ZFYVE28: variants seen among roughly 807,000 people sequenced by gnomAD.
ZFYVE28 encodes the protein lateral signaling target protein 2 homolog.
A neutral mutation model predicts 82.1 loss-of-function variants in ZFYVE28; 40 were observed. The observed-to-expected ratio is 0.49, with a 90% CI of 0.38 to 0.63. ZFYVE28 has a LOEUF of 0.63. Ranked by LOEUF, ZFYVE28 falls within the 30% of genes least tolerant of loss-of-function variation. The pLI, the probability that ZFYVE28 is intolerant of heterozygous loss-of-function variation, is 0.00. For missense variants in ZFYVE28, 1,321 were observed against 1,242.1 expected, an observed-to-expected ratio of 1.06 and a Z score of -0.96; for synonymous variants, 612 against 546.1, an observed-to-expected ratio of 1.12 and a Z score of -1.68.
chr4:2,414,523 C>T (rs77305505), intron 1 of ZFYVE28, among the ~76,000 whole-genome samples: 4,323 of 152,256 alleles, frequency 0.028, 212 homozygotes, highest in African/African-American at 0.099. Context: ...ACTCTGAAAA[C>T]GGTCTGGGGG....
intron 2 of ZFYVE28, among the ~76,000 whole-genome samples, chr4:2,353,653 C>G (rs1724800706): frequency 6.6e-6 from 1 of 152,164 alleles, no homozygotes; most frequent in Non-Finnish European, 1.5e-5. Context: ...ACTGGCTGCC[C>G]CTTGGCTCAG....
chr4:2,270,386 A>C lies in ZFYVE28; in HGVS notation c.*339T>G. The C allele has an allele frequency of 3.0e-6, 1 of 336,806 alleles. No homozygotes were observed. Among genetic ancestry groups the C allele is most frequent in the Non-Finnish European group, 5.7e-6 (1 of 176,924 alleles). 20.9% of individuals were successfully genotyped at this position (336,806 alleles called of 1,614,324 possible). The stretch of plus-strand genomic sequence containing the variant: ...AGTGGCCCCACTCTTGTCCACCTCC[A>C]TCACCCGCCCCGATTCCCATAGCCC... On this transcript the variant is annotated 3_prime_UTR_variant, in exon 13 of 13. Transcript: ENST00000290974.
In ZFYVE28 at chr4:2,271,387, G is replaced by A; in HGVS notation, c.2456C>T (p.Ala819Val). 3 of 1,612,874 alleles carry A rather than the reference G, an allele frequency of 1.9e-6. No homozygotes were observed. Among genetic ancestry groups the A allele is most frequent in the Non-Finnish European group, 2.5e-6 (3 of 1,179,932 alleles). ...EDPPEWVPDE[A>V]CGFCTACKAP... Reference sequence around the variant, plus strand: ...TTTGCACGCCGTGCAGAAGCCACAGGCCTCGTCTGGCACCCACTCCGGGGG... The same window carrying A: ...TTTGCACGCCGTGCAGAAGCCACAGACCTCGTCTGGCACCCACTCCGGGGG... Residue 819 changes from alanine to valine, a missense_variant, in exon 12 of 13, where the codon GCC (alanine) becomes GTC (valine). Physicochemically the swap from Ala to Val is moderately conservative, Grantham distance 64 (BLOSUM62 0). This residue lies in a region of ZFYVE28 where 978 missense variants were observed against 833.7 expected (regional missense o/e 1.17). Coordinates refer to ENST00000290974, the MANE Select transcript of ZFYVE28 (RefSeq NM_020972.3).
intron 2 of ZFYVE28, among the ~76,000 whole-genome samples, chr4:2,352,895 C>T (rs906474785): frequency 6.6e-6 from 1 of 152,190 alleles, no homozygotes; most frequent in African/African-American, 2.4e-5. Context: ...ATCGGTGGGG[C>T]CACGGGGCAG....
Position 2,290,897 on chromosome 4 carries a change from A to G in ZFYVE28, c.2051+13392T>C, listed in dbSNP as rs937141241. Among the ~76,000 whole-genome samples, 54 of 152,240 alleles carry G rather than the reference A, an allele frequency of 3.5e-4. 1 individual carries two copies. The highest frequency in any genetic ancestry group is 1.3e-3 in the African/African-American group (54 of 41,468). The stretch of plus-strand genomic sequence containing the variant: ...GACACAGTGAAGCCCAGGCCTAGAC[A>G]CAGCCCAGCTCTTGAAAAGATCCCA... On this transcript the variant is annotated intron_variant, in intron 8 of 12. Transcript: ENST00000290974.
At chr4:2,336,836 G>GA (rs1435912812) in intron 5 of ZFYVE28, among the ~76,000 whole-genome samples, 6 of 148,252 alleles carry the variant, frequency 4.0e-5, no homozygotes, top group Non-Finnish European at 7.5e-5. Flanking sequence ...GAGGTGAGGA[G>GA]TGAGGAGGTG....
At chr4:2,308,661 GAA>G (rs1291489060) in intron 7 of ZFYVE28, among the ~76,000 whole-genome samples, 1,152 of 99,910 alleles carry the variant, frequency 0.012, 9 homozygotes, top group Middle Eastern at 0.027. Flanking sequence ...AAGAAAGAAA[GAA>G]AGAAAGAAAG....
At chr4:2,334,750 C>G (rs1270921352) in intron 6 of ZFYVE28, among the ~76,000 whole-genome samples, 1 of 41,034 alleles carries the variant, frequency 2.4e-5, no homozygotes, top group Non-Finnish European at 4.9e-5. Context: ...TCCCCCTTCC[C>G]CCTCCCCTTC....
chr4:2,405,164 C>A (rs959918132), intron 1 of ZFYVE28, among the ~76,000 whole-genome samples: 1 of 152,214 alleles, frequency 6.6e-6, no homozygotes, highest in African/African-American at 2.4e-5. Flanking sequence ...CCAGATACCC[C>A]CAGAGAGTGG....
At chr4:2,385,176 T>G (rs1729120929) in intron 1 of ZFYVE28, among the ~76,000 whole-genome samples, 1 of 152,206 alleles carries the variant, frequency 6.6e-6, no homozygotes, top group African/African-American at 2.4e-5. Context: ...ACACCCGCAC[T>G]GCTGCCACCC....
intron 1 of ZFYVE28, among the ~76,000 whole-genome samples, chr4:2,369,221 G>A (rs1727230273): frequency 6.6e-6 from 1 of 152,170 alleles, no homozygotes; most frequent in Non-Finnish European, 1.5e-5. Context: ...GCACTCTGTG[G>A]ACTGACCAGA....
rs1371316224 is a variant in ZFYVE28, at chr4:2,362,972, A to C, written c.40-8899T>G. ...TGTGGCCTTCGGGCCCACACGTGGC[A>C]CCAAGCCCTGGGCTCATCACCATCC... On this transcript the variant is annotated intron_variant, in intron 1 of 12. Coordinates refer to ENST00000290974, the MANE Select transcript of ZFYVE28 (RefSeq NM_020972.3). This position sits in a 1 kb window ranked among gnomAD's most constrained non-coding sequence, Gnocchi z 5.1. Among the ~76,000 whole-genome samples, 1 of 151,726 alleles carries C rather than the reference A, an allele frequency of 6.6e-6. No individual in the cohort carries two copies. Among genetic ancestry groups the C allele is most frequent in the South Asian group, 2.1e-4 (1 of 4,794 alleles).
At chr4:2,375,122 C>T (rs1047333998) in intron 1 of ZFYVE28, among the ~76,000 whole-genome samples, 3 of 152,208 alleles carry the variant, frequency 2.0e-5, no homozygotes, top group African/African-American at 4.8e-5. Flanking sequence ...AGGCACTGGC[C>T]CCTGGGCTCA....
chr4:2,368,226 A>AAAAAAAAAAAAAAAAAAAC (rs1553856593), intron 1 of ZFYVE28, among the ~76,000 whole-genome samples: 1 of 150,190 alleles, frequency 6.7e-6, no homozygotes, highest in African/African-American at 2.5e-5. Context: ...AAAAAAAAAA[A>AAAAAAAAAAAAAAAAAAAC]AAAACACTGT....
intron 7 of ZFYVE28, among the ~76,000 whole-genome samples, chr4:2,308,683 G>GAAAAGAAAAGAAAAGA (rs1553830772): frequency 4.9e-5 from 4 of 81,512 alleles, no homozygotes; most frequent in African/African-American, 2.0e-4. Context: ...GAAAGAGAAA[G>GAAAAGAAAAGAAAAGA]AAAGAAAAGA....
At chr4:2,292,349 G>A (rs1329109603) in intron 8 of ZFYVE28, among the ~76,000 whole-genome samples, 1 of 152,210 alleles carries the variant, frequency 6.6e-6, no homozygotes, top group Non-Finnish European at 1.5e-5. Flanking sequence ...ATGCCAAAGG[G>A]ACAGGGAGGG....
In ZFYVE28 at chr4:2,409,507, C is replaced by A. The variant is rs1476217860; in HGVS notation, c.39+8778G>T. 6.6e-6 allele frequency among the ~76,000 whole-genome samples: 1 copy of A among 152,216 alleles called. No homozygotes were observed. Among genetic ancestry groups the A allele is most frequent in the African/African-American group, 2.4e-5 (1 of 41,444 alleles). The stretch of plus-strand genomic sequence containing the variant: ...CTCCAAGTGCACCCAGCCTTTCAGG[C>A]TCCGCGACCCACACCCCCTTGCCAC... On this transcript the variant is annotated intron_variant, in intron 1 of 12. Transcript: ENST00000290974. The surrounding 1 kb of genome is among the most constrained non-coding windows in gnomAD (Gnocchi z 4.4).
In ZFYVE28 at chr4:2,332,384, C is replaced by A. The variant is rs541768976; in HGVS notation, c.701+3321G>T. On this transcript the variant is annotated intron_variant, in intron 6 of 12. Coordinates refer to ENST00000290974, the MANE Select transcript of ZFYVE28 (RefSeq NM_020972.3). This position sits in a 1 kb window ranked among gnomAD's most constrained non-coding sequence, Gnocchi z 4.7. ...TGCCCCTGAGCATACACCACCTGCACCAACGTGCCCCTGCCTGCCACCTGC... is the reference window on the plus strand; with the variant it reads ...TGCCCCTGAGCATACACCACCTGCAACAACGTGCCCCTGCCTGCCACCTGC... 3.3e-5 allele frequency among the ~76,000 whole-genome samples: 5 copies of A among 152,272 alleles called. No homozygotes were observed. The East Asian group carries it at 9.6e-4, about 29-fold the overall frequency.
intron 2 of ZFYVE28, among the ~76,000 whole-genome samples, chr4:2,353,423 A>ATATC (rs1256416330): frequency 6.6e-6 from 1 of 152,220 alleles, no homozygotes; most frequent in Non-Finnish European, 1.5e-5. Flanking sequence ...TCACTTGATA[A>ATATC]AACTTTGCAG....
Sources: allele counts gnomAD v4.1 joint callset (sites outside exome capture counted in the v4.1 genomes callset), GRCh38; gene constraint gnomAD v4.1.1; regional missense constraint gnomAD v4.1.1; non-coding constraint Gnocchi (gnomAD v3.1); transcripts MANE v1.5; gene names NCBI Gene and HGNC (gene_info 2026-07-23, HGNC 2026-07-21).